DENND2A: variants seen among roughly 807,000 people sequenced by gnomAD.
DENND2A encodes the protein DENN domain-containing protein 2A.
DENND2A carries 53 observed loss-of-function variants against 105.3 expected under a neutral mutation model. The ratio of observed to expected loss-of-function variants is 0.50; its 90% CI spans 0.40 to 0.63. The LOEUF (loss-of-function observed/expected upper bound fraction) is 0.63, where lower values mean the gene tolerates loss of function less well. Among genes scored for constraint, DENND2A ranks in the 30% least tolerant of loss-of-function variants. DENND2A has a pLI of 0.00. For missense variants in DENND2A, 1,138 were observed against 1,279.6 expected (o/e 0.89, Z 1.69); for synonymous variants, 522 against 508.4 (o/e 1.03, Z -0.36).
Position 140,569,845 on chromosome 7 carries a change from G to C in DENND2A, c.1447-107C>G, listed in dbSNP as rs556498703. ...TAGGACGATGGAGGGCCAGGGCCAGGGGGAGTGGGAGAAACTTCCCATGGG... is the reference window on the plus strand; with the variant it reads ...TAGGACGATGGAGGGCCAGGGCCAGCGGGAGTGGGAGAAACTTCCCATGGG... On this transcript the variant is annotated intron_variant, in intron 6 of 19. Coordinates refer to ENST00000496613, the MANE Select transcript of DENND2A (RefSeq NM_015689.5). The C allele has an allele frequency of 1.7e-3, 1,325 of 767,270 alleles. 1 individual carries two copies. The highest frequency in any genetic ancestry group is 2.0e-3 in the Non-Finnish European group (892 of 438,510). The allele number at this position is 767,270 out of a possible 1,614,324, so 47.5% of individuals were successfully genotyped here. A position where few individuals can be genotyped will look rare whatever the true frequency, so the allele number is the denominator to read the frequency against.
intron 8 of DENND2A, among the ~76,000 whole-genome samples, chr7:140,568,427 G>A (rs955079919): frequency 6.6e-6 from 1 of 152,202 alleles, no homozygotes; most frequent in African/African-American, 2.4e-5. Context: ...AATTTGAGCA[G>A]AAGTGGGCAG....
intron 5 of DENND2A, among the ~76,000 whole-genome samples, chr7:140,582,622 A>G (rs944796132): frequency 6.6e-6 from 1 of 152,204 alleles, no homozygotes; most frequent in Non-Finnish European, 1.5e-5. Flanking sequence ...CCTTTGGGAT[A>G]GGTTGTTCCC....
chr7:140,629,604 GATA>G (rs1223411357), intron 1 of DENND2A, among the ~76,000 whole-genome samples: 1 of 152,198 alleles, frequency 6.6e-6, no homozygotes. Context: ...AGAATGTAAT[GATA>G]ATATGTTCTC....
chr7:140,540,018 C>T (rs1796602775), intron 14 of DENND2A, among the ~76,000 whole-genome samples: 1 of 152,194 alleles, frequency 6.6e-6, no homozygotes, highest in African/African-American at 2.4e-5. Flanking sequence ...ACGAGGAGAC[C>T]CAGGGCCAAC....
intron 12 of DENND2A, among the ~76,000 whole-genome samples, chr7:140,553,949 C>T (rs551409776): frequency 2.8e-4 from 42 of 152,282 alleles, no homozygotes; most frequent in African/African-American, 8.2e-4. Flanking sequence ...CACAAGGGGC[C>T]GGATGCAGTG....
chr7:140,580,626 T>A (rs1798503320), intron 5 of DENND2A, among the ~76,000 whole-genome samples: 1 of 151,656 alleles, frequency 6.6e-6, no homozygotes, highest in Non-Finnish European at 1.5e-5. Flanking sequence ...AGCCTGTTAT[T>A]TTACTATTAT....
chr7:140,586,235 G>C (rs1016758619), intron 4 of DENND2A, among the ~76,000 whole-genome samples: 4 of 152,016 alleles, frequency 2.6e-5, no homozygotes, highest in African/African-American at 9.7e-5. Flanking sequence ...ATGGAGGAAG[G>C]GGGCTGGGTG....
intron 1 of DENND2A, among the ~76,000 whole-genome samples, chr7:140,639,606 G>A (rs908696301): frequency 2.2e-4 from 34 of 152,146 alleles, no homozygotes; most frequent in African/African-American, 7.7e-4. Flanking sequence ...TAACCACAGA[G>A]GGTTTAAGAG....
rs79098738 is a variant in DENND2A at position 140,533,475 on chromosome 7, C to G, written c.2328-5980G>C. ...CCAGGGCCTGGGACACCCGGAGGCCCTGGTTCAGCTGCAGTGAGTGTGAAC... is the reference window on the plus strand; with the variant it reads ...CCAGGGCCTGGGACACCCGGAGGCCGTGGTTCAGCTGCAGTGAGTGTGAAC... On this transcript the variant is annotated intron_variant, in intron 14 of 19. Coordinates refer to ENST00000496613, the MANE Select transcript of DENND2A (RefSeq NM_015689.5). Among the ~76,000 whole-genome samples, 1,485 of 152,270 alleles carry G rather than the reference C, an allele frequency of 9.8e-3. 23 individuals carry two copies. Among genetic ancestry groups the G allele is most frequent in the African/African-American group, 0.034 (1,406 of 41,562 alleles).
chr7:140,520,539 T>C (rs960854481), intron 18 of DENND2A, among the ~76,000 whole-genome samples: 1 of 151,484 alleles, frequency 6.6e-6, no homozygotes, highest in African/African-American at 2.4e-5. Flanking sequence ...GACTGATCTT[T>C]CATGGACAGA....
intron 14 of DENND2A, among the ~76,000 whole-genome samples, chr7:140,542,855 C>G (rs573733648): frequency 1.3e-5 from 2 of 152,052 alleles, no homozygotes; most frequent in Non-Finnish European, 2.9e-5. Context: ...CATGAGCCAC[C>G]GCGCCTGGCC....
At chr7:140,576,750 C>T (rs1304498290) in intron 5 of DENND2A, among the ~76,000 whole-genome samples, 1 of 152,172 alleles carries the variant, frequency 6.6e-6, no homozygotes, top group African/African-American at 2.4e-5. Flanking sequence ...CATAAACTTT[C>T]AGTAGAGGAA....
intron 1 of DENND2A, among the ~76,000 whole-genome samples, chr7:140,632,972 C>T (rs554260749): frequency 4.5e-4 from 68 of 151,934 alleles, no homozygotes; most frequent in African/African-American, 1.5e-3. Flanking sequence ...AGCGATTCTC[C>T]TGCCTCAGCC....
intron 3 of DENND2A, among the ~76,000 whole-genome samples, chr7:140,589,911 GT>G (rs1416843784): frequency 2.0e-5 from 3 of 152,230 alleles, no homozygotes; most frequent in East Asian, 3.9e-4. Flanking sequence ...TTATAGTTCT[GT>G]TTTTATTTTT....
chr7:140,633,102 C>T (rs1196867301), intron 1 of DENND2A, among the ~76,000 whole-genome samples: 3 of 151,508 alleles, frequency 2.0e-5, no homozygotes, highest in Non-Finnish European at 4.4e-5. Context: ...AATCTCGGCT[C>T]ACTGCAAGCT....
At chr7:140,552,411 C>CT (rs1797174943) in intron 12 of DENND2A, among the ~76,000 whole-genome samples, 1 of 147,284 alleles carries the variant, frequency 6.8e-6, no homozygotes, top group African/African-American at 2.5e-5. Flanking sequence ...TCTTTTCTTT[C>CT]TTTACAGGGT....
intron 1 of DENND2A, among the ~76,000 whole-genome samples, chr7:140,631,658 G>A (rs1025448724): frequency 2.0e-5 from 3 of 152,114 alleles, no homozygotes; most frequent in African/African-American, 7.2e-5. Context: ...TTTGTTGATT[G>A]TCACAAATAC....
intron 5 of DENND2A, among the ~76,000 whole-genome samples, chr7:140,585,012 A>G (rs1798719972): frequency 2.0e-5 from 3 of 152,180 alleles, no homozygotes; most frequent in Non-Finnish European, 4.4e-5. Context: ...TAGCATGGCC[A>G]ACATGGTGAA....
At chr7:140,558,289 G>T in intron 10 of DENND2A, 77 bp from the exon 11 acceptor site, 2 of 1,199,938 alleles carry the variant, frequency 1.7e-6, no homozygotes, top group Non-Finnish European at 2.4e-6. Context: ...AGCAAGGGGT[G>T]GCAGTGAGCA....
Sources: gnomAD v4.1 joint callset for allele counts (sites outside exome capture counted in the v4.1 genomes callset) on GRCh38, gnomAD v4.1.1 for gene constraint, MANE v1.5 for transcripts, NCBI Gene and HGNC (gene_info 2026-07-23, HGNC 2026-07-21) for gene names.